Variants in GJC1 observed in about 807,000 individuals in gnomAD.
GJC1 encodes the protein gap junction gamma-1 protein.
GJC1 carries 5 observed loss-of-function variants against 29.3 expected under a neutral mutation model. That is an observed-to-expected ratio of 0.17 (90% CI 0.09 to 0.36). GJC1 has a LOEUF of 0.36. Among genes scored for constraint, GJC1 ranks in the 10% least tolerant of loss-of-function variants. GJC1 has a pLI of 1.00. For synonymous variants in GJC1, 177 were observed against 183.3 expected, an observed-to-expected ratio of 0.97 and a Z score of 0.28; for missense variants, 310 against 496.2, an observed-to-expected ratio of 0.62 and a Z score of 3.56.
At position 44,822,151 on chromosome 17, in the gene GJC1, C is replaced by T. The variant is rs577082540; in HGVS notation, c.-97+7911G>A. On this transcript the variant is annotated intron_variant, in intron 1 of 2. Transcript: ENST00000592524. ...GGCGGAGCTTGCAGTGAGCCAAGAT[C>T]GTGCCACTGCACTCCAGCCTGGGAG... is the stretch of plus-strand genomic sequence containing the variant. 5.5e-5 allele frequency among the ~76,000 whole-genome samples: 7 copies of T among 127,836 alleles called. 1 individual carries two copies. The highest frequency in any genetic ancestry group is 1.5e-4 in the African/African-American group (5 of 32,530). The allele number at this position is 127,836 out of a possible 152,430, so 83.9% of individuals were successfully genotyped here.
intron 1 of GJC1, among the ~76,000 whole-genome samples, chr17:44,812,116 C>T (rs1388196206): frequency 1.3e-5 from 2 of 151,986 alleles, no homozygotes; most frequent in African/African-American, 4.8e-5. Flanking sequence ...AGATTGAGAC[C>T]ATCCTGGCCA....
chr17:44,817,983 TG>T (rs2050063098), intron 1 of GJC1, among the ~76,000 whole-genome samples: 1 of 151,316 alleles, frequency 6.6e-6, no homozygotes, highest in Non-Finnish European at 1.5e-5. Flanking sequence ...GAGGCCGAGG[TG>T]GGCGGATCAG....
chr17:44,810,763 T>C (rs2049970273), intron 1 of GJC1, among the ~76,000 whole-genome samples: 1 of 152,028 alleles, frequency 6.6e-6, no homozygotes. Flanking sequence ...CTATACTGGA[T>C]GGACATCAAT....
intron 1 of GJC1, among the ~76,000 whole-genome samples, chr17:44,818,953 AG>A (rs2050073621): frequency 6.6e-6 from 1 of 152,116 alleles, no homozygotes; most frequent in Non-Finnish European, 1.5e-5. Context: ...ATTTAAAAAA[AG>A]AAAACAAAAA....
intron 1 of GJC1, chr17:44,813,277 C>T (rs966450276): frequency 1.3e-5 from 2 of 151,684 alleles, no homozygotes; most frequent in African/African-American, 4.8e-5. Context: ...CCAGTCTGGT[C>T]TCGAACTCCT....
intron 1 of GJC1, among the ~76,000 whole-genome samples, chr17:44,808,623 A>G (rs1182124198): frequency 6.6e-6 from 1 of 152,028 alleles, no homozygotes; most frequent in Admixed American, 6.6e-5. Context: ...CAAAATTAGC[A>G]TGGTGACGCA....
intron 1 of GJC1, among the ~76,000 whole-genome samples, chr17:44,813,519 GTC>G (rs1333990136): frequency 3.4e-4 from 38 of 111,404 alleles, no homozygotes; most frequent in African/African-American, 1.3e-3. Flanking sequence ...TGAGACAAGA[GTC>G]TCTCTCTGTC....
At chr17:44,809,808 C>G (rs1207842912) in intron 1 of GJC1, among the ~76,000 whole-genome samples, 2 of 151,994 alleles carry the variant, frequency 1.3e-5, no homozygotes, top group Non-Finnish European at 2.9e-5. Flanking sequence ...CTCAGGTGAT[C>G]CGCCTGCCTC....
upstream of GJC1, chr17:44,830,931 T>G (rs183625684): frequency 8.0e-6 from 3 of 377,102 alleles, no homozygotes; most frequent in East Asian, 1.1e-4. This position sits in a 1 kb window ranked among gnomAD's most constrained non-coding sequence, Gnocchi z 4.3. Context: ...AAAATTTTCA[T>G]GCATAGGAAT....
chr17:44,823,772 C>T (rs563779614), intron 1 of GJC1, among the ~76,000 whole-genome samples: 4 of 150,238 alleles, frequency 2.7e-5, no homozygotes, highest in African/African-American at 7.3e-5. Flanking sequence ...AGTGCAGTGG[C>T]ACAATCTTAG....
chr17:44,808,926 T>C (rs554121410), intron 1 of GJC1, among the ~76,000 whole-genome samples: 2 of 152,014 alleles, frequency 1.3e-5, no homozygotes, highest in South Asian at 2.1e-4. Flanking sequence ...AATACAAAAT[T>C]AGCCAGGTGT....
downstream of GJC1, among the ~76,000 whole-genome samples, chr17:44,796,299 AATG>A (rs1056681946): frequency 2.0e-5 from 3 of 152,214 alleles, no homozygotes; most frequent in South Asian, 2.1e-4. Flanking sequence ...CTCCCATATC[AATG>A]ATATTTTGAA....
intron 1 of GJC1, among the ~76,000 whole-genome samples, chr17:44,809,542 T>C (rs947468790): frequency 3.9e-5 from 6 of 151,940 alleles, no homozygotes; most frequent in Non-Finnish European, 5.9e-5. Flanking sequence ...TCATCTGTTA[T>C]ATCTCCATCC....
intron 1 of GJC1, among the ~76,000 whole-genome samples, chr17:44,817,522 C>A (rs868053345): frequency 6.6e-6 from 1 of 151,458 alleles, no homozygotes; most frequent in East Asian, 2.0e-4. Context: ...ACCAGCCTGA[C>A]CAAGATGGAG....
At chr17:44,819,214 G>A (rs1057311653) in intron 1 of GJC1, among the ~76,000 whole-genome samples, 1 of 151,840 alleles carries the variant, frequency 6.6e-6, no homozygotes, top group African/African-American at 2.4e-5. Flanking sequence ...CCTTCTCCCA[G>A]CCCCTGGCAA....
At chr17:44,815,063 T>C (rs981598034) in intron 1 of GJC1, among the ~76,000 whole-genome samples, 4 of 152,150 alleles carry the variant, frequency 2.6e-5, no homozygotes, top group African/African-American at 9.7e-5. Flanking sequence ...CTCTCATGAA[T>C]AAAAAATCAT....
intron 1 of GJC1, among the ~76,000 whole-genome samples, chr17:44,813,836 C>T (rs560294166): frequency 6.6e-6 from 1 of 152,018 alleles, no homozygotes; most frequent in East Asian, 1.9e-4. Flanking sequence ...CAAATAATTC[C>T]TGGGAGATGA....
rs1346482393 is a variant in GJC1 at position 44,830,228 on chromosome 17, CCCGCCGCTG to C, written c.-272_-264del. ...GTCTCCAGCCGAGGCAGAAGCCGCTCCCGCCGCTGCCGCCGCCGCCGCCGCCTCCCGCTC... is the reference window on the plus strand; with the variant it reads ...GTCTCCAGCCGAGGCAGAAGCCGCTCCCGCCGCCGCCGCCGCCTCCCGCTC... On this transcript the variant is annotated 5_prime_UTR_variant, in exon 1 of 3. Coordinates refer to ENST00000592524, the MANE Select transcript of GJC1 (RefSeq NM_005497.4). This position sits in a 1 kb window ranked among gnomAD's most constrained non-coding sequence, Gnocchi z 4.3. The C allele has an allele frequency of 6.3e-6, 1 of 159,030 alleles. No individual in the cohort carries two copies. The highest frequency in any genetic ancestry group is 1.3e-5 in the Non-Finnish European group (1 of 74,888). The allele number at this position is 159,030 out of a possible 1,614,324, so 9.9% of individuals were successfully genotyped here. A position where few individuals can be genotyped will look rare whatever the true frequency, so the allele number is the denominator to read the frequency against.
At chr17:44,811,314 T>C (rs1158520893) in intron 1 of GJC1, among the ~76,000 whole-genome samples, 2 of 151,764 alleles carry the variant, frequency 1.3e-5, no homozygotes, top group Non-Finnish European at 2.9e-5. Flanking sequence ...CTCCTGACCC[T>C]CAGGTGATCC....
Sources: gnomAD v4.1 joint callset for allele counts (sites outside exome capture counted in the v4.1 genomes callset) on GRCh38, gnomAD v4.1.1 for gene constraint, Gnocchi (gnomAD v3.1) non-coding constraint, MANE v1.5 for transcripts, NCBI Gene and HGNC (gene_info 2026-07-23, HGNC 2026-07-21) for gene names.